Variants in CNBD1 observed in about 807,000 individuals in gnomAD.
The protein encoded by CNBD1 is cyclic nucleotide binding domain containing 1, also known as cyclic nucleotide-binding domain-containing protein 1.
CNBD1 carries 71 observed loss-of-function variants against 54.4 expected under a neutral mutation model. The ratio of observed to expected loss-of-function variants is 1.30; its 90% CI spans 1.08 to 1.59. The LOEUF is 1.59. Among genes scored for constraint, CNBD1 ranks in the 40% most tolerant of loss-of-function variants. The pLI, the probability that CNBD1 is intolerant of heterozygous loss-of-function variation, is 0.00. For synonymous variants in CNBD1, 182 were observed against 170.7 expected, an observed-to-expected ratio of 1.07 and a Z score of -0.51; for missense variants, 659 against 518.0, an observed-to-expected ratio of 1.27 and a Z score of -2.64.
At chr8:86,927,858 A>G (rs1809389416) in intron 3 of CNBD1, among the ~76,000 whole-genome samples, 1 of 152,034 alleles carries the variant, frequency 6.6e-6, no homozygotes, top group Non-Finnish European at 1.5e-5. Context: ...GAAATAGGAG[A>G]CGTAAGTCCT....
chr8:86,902,773 G>T (rs1371435948), intron 2 of CNBD1, among the ~76,000 whole-genome samples: 1 of 151,944 alleles, frequency 6.6e-6, no homozygotes, highest in African/African-American at 2.4e-5. Flanking sequence ...GAATTGAAGG[G>T]TCAGATAGGT....
At chr8:87,283,538 T>C (rs1315659483) in intron 6 of CNBD1, among the ~76,000 whole-genome samples, 10 of 152,106 alleles carry the variant, frequency 6.6e-5, no homozygotes, top group African/African-American at 2.4e-4. Context: ...TTTTTATTGA[T>C]TTTTCAGCTT....
rs1212667153 is a variant in CNBD1 at position 87,256,015 on chromosome 8, A to ATTTTTTT, written c.771+18922_771+18928dup. 4.4e-4 allele frequency among the ~76,000 whole-genome samples: 7 copies of ATTTTTTT among 15,782 alleles called. 1 individual carries two copies. Among genetic ancestry groups the ATTTTTTT allele is most frequent in the Non-Finnish European group, 5.1e-4 (5 of 9,794 alleles). The allele number at this position is 15,782 out of a possible 152,430, so 10.4% of individuals were successfully genotyped here. A position where few individuals can be genotyped will look rare whatever the true frequency, so the allele number is the denominator to read the frequency against. On this transcript the variant is annotated intron_variant, in intron 6 of 10. Coordinates refer to ENST00000518476, the MANE Select transcript of CNBD1 (RefSeq NM_173538.3). ...TATATATATATATATATATATATATATTTTTTTTTTTTTTTTTTTTTTTTT... is the reference window on the plus strand; with the variant it reads ...TATATATATATATATATATATATATATTTTTTTTTTTTTTTTTTTTTTTTTTTTTTTT...
At chr8:87,339,734 G>A (rs1002581715) in intron 8 of CNBD1, among the ~76,000 whole-genome samples, 6 of 151,764 alleles carry the variant, frequency 4.0e-5, no homozygotes, top group African/African-American at 1.5e-4. Flanking sequence ...ACACCTTATA[G>A]TTATAACTGT....
chr8:87,108,970 C>T (rs1811601880), intron 4 of CNBD1, among the ~76,000 whole-genome samples: 2 of 152,236 alleles, frequency 1.3e-5, no homozygotes, highest in Middle Eastern at 3.4e-3. Context: ...ATTTATACAG[C>T]TGATAAAATG....
intron 10 of CNBD1, among the ~76,000 whole-genome samples, chr8:87,360,582 A>C (rs980009116): frequency 2.0e-5 from 3 of 151,948 alleles, no homozygotes; most frequent in Non-Finnish European, 2.9e-5. Flanking sequence ...GCAAGTCAAT[A>C]TAACTATTTT....
chr8:87,014,096 G>T (rs980284777), intron 4 of CNBD1, among the ~76,000 whole-genome samples: 4 of 150,836 alleles, frequency 2.7e-5, no homozygotes, highest in African/African-American at 9.8e-5. Flanking sequence ...AATATATGAA[G>T]AGCTCTAATC....
At chr8:87,047,469 C>G (rs1229319925) in intron 4 of CNBD1, among the ~76,000 whole-genome samples, 1 of 152,180 alleles carries the variant, frequency 6.6e-6, no homozygotes, top group East Asian at 1.9e-4. Flanking sequence ...ATGGCTGGTA[C>G]TGTTCGGGTC....
At chr8:87,253,590 G>A (rs1807952854) in intron 6 of CNBD1, among the ~76,000 whole-genome samples, 1 of 152,252 alleles carries the variant, frequency 6.6e-6, no homozygotes, top group Admixed American at 6.5e-5. Flanking sequence ...CAAGTGCCAT[G>A]TGGTATCTCT....
At chr8:87,263,421 CA>C (rs1308141478) in intron 6 of CNBD1, among the ~76,000 whole-genome samples, 4 of 151,946 alleles carry the variant, frequency 2.6e-5, no homozygotes, top group Non-Finnish European at 5.9e-5. Flanking sequence ...ATACATTATT[CA>C]AAATCAGGAC....
chr8:87,326,988 G>T (rs1184933087), intron 8 of CNBD1, among the ~76,000 whole-genome samples: 8 of 140,650 alleles, frequency 5.7e-5, no homozygotes, highest in Admixed American at 5.0e-4. Context: ...TTTTGGTGTG[G>T]ATGTCCTTTC....
intron 2 of CNBD1, among the ~76,000 whole-genome samples, chr8:86,899,970 C>T (rs1171751965): frequency 6.6e-6 from 1 of 152,106 alleles, no homozygotes; most frequent in Non-Finnish European, 1.5e-5. Context: ...TACCCCTCCT[C>T]TCTGCCCATT....
At chr8:87,187,433 T>C (rs1028753574) in intron 4 of CNBD1, among the ~76,000 whole-genome samples, 1 of 151,790 alleles carries the variant, frequency 6.6e-6, no homozygotes, top group African/African-American at 2.4e-5. Context: ...TTAAAATATA[T>C]GCTAAAGAGG....
At chr8:87,078,544 A>G (rs1408404154) in intron 4 of CNBD1, among the ~76,000 whole-genome samples, 5 of 152,210 alleles carry the variant, frequency 3.3e-5, no homozygotes, top group Admixed American at 3.3e-4. Flanking sequence ...TTTGAGGGGA[A>G]TCATTGCATT....
At chr8:87,406,660 A>T (rs1237973288) in intron 2 of CNBD1, among the ~76,000 whole-genome samples, 1 of 151,888 alleles carries the variant, frequency 6.6e-6, no homozygotes, top group Non-Finnish European at 1.5e-5. Context: ...TTGTATTTTT[A>T]GTAGAGATGG....
intron 8 of CNBD1, among the ~76,000 whole-genome samples, chr8:87,298,398 CT>C (rs1808920780): frequency 6.6e-6 from 1 of 151,968 alleles, no homozygotes; most frequent in Non-Finnish European, 1.5e-5. Flanking sequence ...GGGGCTACTC[CT>C]CACCCCATGA....
chr8:87,228,463 A>T lies in CNBD1; in HGVS notation c.578-8456A>T, dbSNP rs368499389. ...TTTGTTAGTTTTCCTTCTAACACACAGGACCCTCAGCTGCAGGTCTGTTGG... is the reference window on the plus strand; with the variant it reads ...TTTGTTAGTTTTCCTTCTAACACACTGGACCCTCAGCTGCAGGTCTGTTGG... On this transcript the variant is annotated intron_variant, in intron 5 of 10. Transcript: ENST00000518476. Among the ~76,000 whole-genome samples, 1,014 of 149,120 alleles carry T rather than the reference A, an allele frequency of 6.8e-3. 28 individuals are homozygous for T. The highest frequency in any genetic ancestry group is 0.022 in the South Asian group (108 of 4,822).
At chr8:87,278,140 A>G (rs1808521871) in intron 6 of CNBD1, among the ~76,000 whole-genome samples, 2 of 151,662 alleles carry the variant, frequency 1.3e-5, no homozygotes, top group African/African-American at 4.8e-5. Flanking sequence ...ATAAGTAAAT[A>G]TGAAGAAGAA....
At chr8:87,370,920 G>A (rs1174501709) in intron 10 of CNBD1, among the ~76,000 whole-genome samples, 3 of 151,170 alleles carry the variant, frequency 2.0e-5, no homozygotes, top group Non-Finnish European at 4.4e-5. Flanking sequence ...TATAAGGAAG[G>A]GATCCAGTTT....
Sources: allele counts gnomAD v4.1 joint callset (sites outside exome capture counted in the v4.1 genomes callset), GRCh38; gene constraint gnomAD v4.1.1; transcripts MANE v1.5; gene names NCBI Gene and HGNC (gene_info 2026-07-23, HGNC 2026-07-21).